Variants in METTL2B observed in about 807,000 individuals in gnomAD.
METTL2B encodes tRNA N(3)-cytidine methyltransferase METTL2B.
A neutral mutation model predicts 51.0 loss-of-function variants in METTL2B; 28 were observed. That is an observed-to-expected ratio of 0.55 (90% CI 0.41 to 0.75). The LOEUF (loss-of-function observed/expected upper bound fraction) is 0.75, where lower values mean the gene tolerates loss of function less well. Among genes scored for constraint, METTL2B ranks in the 30% least tolerant of loss-of-function variants. METTL2B has a pLI of 0.00. For missense variants in METTL2B, 313 were observed against 460.7 expected (o/e 0.68, Z 2.93); for synonymous variants, 128 against 166.3 (o/e 0.77, Z 1.77).
chr7:128,494,768 C>T (rs1792893862), intron 6 of METTL2B, among the ~76,000 whole-genome samples: 1 of 152,154 alleles, frequency 6.6e-6, no homozygotes. Context: ...GCTGGGATTA[C>T]AGGCACCCGC....
intron 5 of METTL2B, among the ~76,000 whole-genome samples, chr7:128,491,761 CAAAAAAAAAAA>C (rs57526525): frequency 8.7e-6 from 1 of 114,604 alleles, no homozygotes; most frequent in East Asian, 2.6e-4. Flanking sequence ...GACTCTGTCT[CAAAAAAAAAAA>C]AAAAAAAGGG....
chr7:128,494,622 T>A (rs1354619288), intron 6 of METTL2B, among the ~76,000 whole-genome samples: 2 of 152,148 alleles, frequency 1.3e-5, no homozygotes, highest in Non-Finnish European at 2.9e-5. Flanking sequence ...ATTATTGGCC[T>A]TTCATTTTAT....
chr7:128,477,959 T>C (rs1337727980), intron 2 of METTL2B: 1 of 450,646 alleles, frequency 2.2e-6, no homozygotes, highest in Admixed American at 2.4e-5. Flanking sequence ...TTAAAGACAC[T>C]TGGACCACAG....
rs1258905489 is a variant in METTL2B, at chr7:128,504,143, A to G, written c.*2227A>G. On this transcript the variant is annotated 3_prime_UTR_variant, in exon 9 of 9. Coordinates refer to ENST00000262432, the MANE Select transcript of METTL2B (RefSeq NM_018396.3). Reference sequence around the variant, plus strand: ...TATATTACCAAATATATCCATCACAAGTAGGAATACATGGAAACATTAATG... The same window carrying G: ...TATATTACCAAATATATCCATCACAGGTAGGAATACATGGAAACATTAATG... 2.0e-5 allele frequency: 3 copies of G among 152,176 alleles called. No individual in the cohort carries two copies. Among genetic ancestry groups the G allele is most frequent in the African/African-American group, 4.8e-5 (2 of 41,448 alleles). The allele number at this position is 152,176 out of a possible 1,614,324, so 9.4% of individuals were successfully genotyped here.
intron 7 of METTL2B, among the ~76,000 whole-genome samples, chr7:128,500,309 G>A (rs1191780016): frequency 6.6e-6 from 1 of 152,090 alleles, no homozygotes; most frequent in Non-Finnish European, 1.5e-5. Flanking sequence ...CTTAAACTCA[G>A]CTATATTGCT....
intron 8 of METTL2B, 71 bp downstream of exon 8, chr7:128,501,039 A>G (rs1793019331): frequency 6.2e-7 from 1 of 1,604,550 alleles, no homozygotes; most frequent in East Asian, 2.2e-5. Flanking sequence ...ATTCAGAAGG[A>G]AAACTATCTG....
chr7:128,480,245 C>G (rs1373888778), intron 3 of METTL2B, among the ~76,000 whole-genome samples: 1 of 152,200 alleles, frequency 6.6e-6, no homozygotes, highest in Non-Finnish European at 1.5e-5. Flanking sequence ...GTCTTCATTA[C>G]CACGCAGCAC....
At chr7:128,501,493 T>C (rs1793028986) in intron 8 of METTL2B, 1 of 985,298 alleles carries the variant, frequency 1.0e-6, no homozygotes, top group Non-Finnish European at 1.2e-6. Flanking sequence ...GTAGATAGTT[T>C]TGCATAAATT....
chr7:128,498,263 T>G, intron 7 of METTL2B, 121 bp downstream of exon 7: 1 of 1,160,842 alleles, frequency 8.6e-7, no homozygotes, highest in Non-Finnish European at 1.2e-6. Flanking sequence ...AACACCATAT[T>G]TTCTCACTCA....
At chr7:128,482,565 G>A (rs1230614680) in intron 4 of METTL2B, among the ~76,000 whole-genome samples, 1 of 152,172 alleles carries the variant, frequency 6.6e-6, no homozygotes, top group African/African-American at 2.4e-5. Flanking sequence ...ACGGAGTCTT[G>A]CTCTGTTGCC....
intron 7 of METTL2B, among the ~76,000 whole-genome samples, chr7:128,499,923 A>G (rs959654151): frequency 7.9e-5 from 12 of 152,200 alleles, no homozygotes; most frequent in African/African-American, 2.9e-4. Context: ...CTTTGTAAAC[A>G]AAGTGAATGC....
At chr7:128,498,512 T>C (rs1792967375) in intron 7 of METTL2B, among the ~76,000 whole-genome samples, 1 of 150,882 alleles carries the variant, frequency 6.6e-6, no homozygotes, top group African/African-American at 2.4e-5. Flanking sequence ...AAAAAAGGTA[T>C]GTGGCCACTA....
Position 128,476,793 on chromosome 7 carries a change from C to G in METTL2B, c.28C>G (p.Pro10Ala). 6.2e-7 allele frequency: 1 copy of G among 1,614,136 alleles called. No individual in the cohort carries two copies. Residue 10 changes from proline to alanine, a missense_variant, in exon 1 of 9, where the codon CCT becomes GCT. Coordinates refer to ENST00000262432, the MANE Select transcript of METTL2B (RefSeq NM_018396.3). ...GGCCGGCTCCTACCCTGAAGGTGCA[C>G]CTGCAATCCTCGCCGATAAGAGGCA... MAGSYPEGA[P>A]AILADKRQQF...
At chr7:128,492,413 C>T (rs1371688276) in intron 5 of METTL2B, among the ~76,000 whole-genome samples, 1 of 151,892 alleles carries the variant, frequency 6.6e-6, no homozygotes, top group Non-Finnish European at 1.5e-5. Flanking sequence ...CCACCTCGAC[C>T]TCCCAAAGTG....
intron 6 of METTL2B, 23 bp downstream of exon 6, chr7:128,493,966 G>A: frequency 6.3e-7 from 1 of 1,589,980 alleles, no homozygotes; most frequent in Non-Finnish European, 8.5e-7. Context: ...CCCTTAGCTG[G>A]TAGTGTCACA....
Position 128,500,931 on chromosome 7 carries a change from G to T in METTL2B, c.945G>T (p.Val315=), listed in dbSNP as rs749805673. The T allele has an allele frequency of 8.1e-6, 13 of 1,614,144 alleles. No homozygotes were observed. The South Asian group carries it at 1.4e-4, about 18-fold the overall frequency. Reference sequence around the variant, plus strand: ...AGTGTCTATCTGGAAATTTCTATGTGAGAGGTGATGGAACCAGAGTTTACT... The same window carrying T: ...AGTGTCTATCTGGAAATTTCTATGTTAGAGGTGATGGAACCAGAGTTTACT... ...KGQCLSGNFY[V]RGDGTRVYFF... The change falls in exon 8 of 9, where the codon GTG becomes GTT. Residue 315 remains valine, a synonymous_variant. Coordinates refer to ENST00000262432, the MANE Select transcript of METTL2B (RefSeq NM_018396.3).
chr7:128,481,859 G>A (rs1467943691), intron 4 of METTL2B, among the ~76,000 whole-genome samples: 1 of 152,100 alleles, frequency 6.6e-6, no homozygotes, highest in Non-Finnish European at 1.5e-5. Context: ...TTCCCAGACT[G>A]GTCTCAAACT....
In METTL2B at chr7:128,505,064, T is replaced by A; in HGVS notation, c.*3148T>A. 1 of 134,382 alleles carries A rather than the reference T, an allele frequency of 7.4e-6. No individual in the cohort carries two copies. The highest frequency in any genetic ancestry group is 2.8e-5 in the African/African-American group (1 of 35,152). 8.3% of individuals were successfully genotyped at this position (134,382 alleles called of 1,614,324 possible). On this transcript the variant is annotated 3_prime_UTR_variant, in exon 9 of 9. Coordinates refer to ENST00000262432, the MANE Select transcript of METTL2B (RefSeq NM_018396.3). ...GTGAGCCGAGATGGCGCCATTGCACTCCAGCCTGGGCAACAAGAGTGAAAC... is the reference window on the plus strand; with the variant it reads ...GTGAGCCGAGATGGCGCCATTGCACACCAGCCTGGGCAACAAGAGTGAAAC...
intron 3 of METTL2B, 92 bp from the exon 4 acceptor site, chr7:128,480,555 G>T: frequency 6.3e-7 from 1 of 1,594,538 alleles, no homozygotes; most frequent in Non-Finnish European, 8.5e-7. Context: ...AGTTAGGCCA[G>T]ATTCTTGTTG....
Sources: gnomAD v4.1 joint callset for allele counts (sites outside exome capture counted in the v4.1 genomes callset) on GRCh38, gnomAD v4.1.1 for gene constraint, MANE v1.5 for transcripts, NCBI Gene and HGNC (gene_info 2026-07-23, HGNC 2026-07-21) for gene names.